The following ARHGAP32 variants were observed in gnomAD, a reference collection of about 807,000 sequenced individuals.
ARHGAP32 encodes the protein rho GTPase-activating protein 32.
A neutral mutation model predicts 186.5 loss-of-function variants in ARHGAP32; 51 were observed. The observed-to-expected ratio is 0.27, with a 90% CI of 0.22 to 0.35. The LOEUF (loss-of-function observed/expected upper bound fraction) is 0.35. Ranked by LOEUF, ARHGAP32 falls within the 10% of genes least tolerant of loss-of-function variation. The pLI is 1.00. For synonymous variants in ARHGAP32, 950 were observed against 964.3 expected, an observed-to-expected ratio of 0.99 and a Z score of 0.27; for missense variants, 2,186 against 2,623.5, an observed-to-expected ratio of 0.83 and a Z score of 3.64.
intron 1 of ARHGAP32, among the ~76,000 whole-genome samples, chr11:129,276,630 C>G (rs1265635686): frequency 6.6e-6 from 1 of 152,184 alleles, no homozygotes; most frequent in Non-Finnish European, 1.5e-5. Flanking sequence ...TTTTAAATTT[C>G]TGTTACAACA....
chr11:129,216,717 A>T (rs1944652546), intron 1 of ARHGAP32, among the ~76,000 whole-genome samples: 1 of 150,452 alleles, frequency 6.6e-6, no homozygotes, highest in Non-Finnish European at 1.5e-5. Context: ...ATTTTAGCTG[A>T]GTCCCCATAG....
rs1048344376 is a variant in ARHGAP32, at chr11:129,123,865, C to G, written c.359+23G>C. The G allele has an allele frequency of 5.4e-6, 7 of 1,304,284 alleles. No homozygotes were observed. The African/African-American group carries it at 1.1e-4, about 20-fold the overall frequency. 80.8% of individuals were successfully genotyped at this position (1,304,284 alleles called of 1,614,324 possible). A position where few individuals can be genotyped will look rare whatever the true frequency, so the allele number is the denominator to read the frequency against. ...CTTCTAACCAGAAGCATTCCCAACA[C>G]AAAGTAGAAAACCAGATTTTACCTG... is the stretch of plus-strand genomic sequence containing the variant. On this transcript the variant is annotated intron_variant, in intron 4 of 22. Coordinates refer to ENST00000682385, the MANE Select transcript of ARHGAP32 (RefSeq NM_001378024.1). This position sits in a 1 kb window ranked among gnomAD's most constrained non-coding sequence, Gnocchi z 4.6.
chr11:128,969,591 G>A lies in ARHGAP32; in HGVS notation c.5622C>T (p.Ser1874=), dbSNP rs753695666. The A allele has an allele frequency of 1.5e-5, 25 of 1,614,132 alleles. 1 individual carries two copies. The South Asian group carries it at 2.5e-4, about 16-fold the overall frequency. Reference sequence around the variant, plus strand: ...CAGGAAGCTTCCTGCTCCTCAGGCTGCTCTGCTTCTGAGGCAGGGATGGCT... The same window carrying A: ...CAGGAAGCTTCCTGCTCCTCAGGCTACTCTGCTTCTGAGGCAGGGATGGCT... The part of the protein sequence containing the change: ...PEKPSLPQKQ[S]SLRSRKLPDM... Residue 1874 remains serine (S), a synonymous_variant, in exon 23 of 23, where the codon AGC becomes AGT. Transcript: ENST00000682385. This position sits in a 1 kb window ranked among gnomAD's most constrained non-coding sequence, Gnocchi z 4.8.
At chr11:129,007,002 G>A (rs1937809952) in intron 11 of ARHGAP32, among the ~76,000 whole-genome samples, 1 of 152,014 alleles carries the variant, frequency 6.6e-6, no homozygotes, top group Admixed American at 6.5e-5. Context: ...CCATCCCATG[G>A]CCACCACCAC....
chr11:129,070,505 G>A (rs1336873592), intron 6 of ARHGAP32, among the ~76,000 whole-genome samples: 1 of 151,942 alleles, frequency 6.6e-6, no homozygotes, highest in Non-Finnish European at 1.5e-5. Context: ...CAAACTGACA[G>A]ATTTGGGAGT....
chr11:128,973,906 C>T (rs984737782), intron 21 of ARHGAP32: 1 of 576,888 alleles, frequency 1.7e-6, no homozygotes, highest in Non-Finnish European at 3.0e-6. Context: ...GATAAGGGGA[C>T]TTTTGTGAAG....
chr11:129,056,772 G>A (rs545774591), intron 10 of ARHGAP32, among the ~76,000 whole-genome samples: 3 of 152,072 alleles, frequency 2.0e-5, no homozygotes, highest in East Asian at 1.9e-4. Flanking sequence ...CAGACATATC[G>A]GGCCTGGGTG....
rs1385037082 is a variant in ARHGAP32, at chr11:128,985,351, A to G, written c.1526+652T>C. On this transcript the variant is annotated intron_variant, in intron 15 of 22. Coordinates refer to ENST00000682385, the MANE Select transcript of ARHGAP32 (RefSeq NM_001378024.1). ...TGATTTTTGAAATATATACATAAGC[A>G]ATGTCATTTTGAAAAAAAAAATTAA... 4.0e-5 allele frequency among the ~76,000 whole-genome samples: 6 copies of G among 150,656 alleles called. No homozygotes were observed. The South Asian group carries it at 8.4e-4, about 21-fold the overall frequency.
At chr11:129,178,996 G>A (rs1943985851) in intron 1 of ARHGAP32, among the ~76,000 whole-genome samples, 1 of 151,752 alleles carries the variant, frequency 6.6e-6, no homozygotes, top group African/African-American at 2.4e-5. Flanking sequence ...TACCATCAGA[G>A]TGAACAGGCA....
At chr11:129,011,482 G>T (rs986311771) in intron 11 of ARHGAP32, among the ~76,000 whole-genome samples, 4 of 152,222 alleles carry the variant, frequency 2.6e-5, no homozygotes, top group Non-Finnish European at 5.9e-5. Flanking sequence ...TTAAGGAACA[G>T]TTTCTCTGAG....
At chr11:129,059,573 C>A (rs1239600116) in intron 10 of ARHGAP32, among the ~76,000 whole-genome samples, 4 of 145,430 alleles carry the variant, frequency 2.8e-5, no homozygotes, top group Non-Finnish European at 5.9e-5. Context: ...GATCTCAGCT[C>A]ACTGTAACCT....
chr11:128,982,474 CGTGTGTGTGTGT>C (rs60379183), intron 15 of ARHGAP32, among the ~76,000 whole-genome samples: 1 of 147,362 alleles, frequency 6.8e-6, no homozygotes, highest in African/African-American at 2.5e-5. Flanking sequence ...AGGTAAGTGC[CGTGTGTGTGTGT>C]GTGTGTGTGT....
intron 1 of ARHGAP32, among the ~76,000 whole-genome samples, chr11:129,261,087 T>A (rs1945315073): frequency 1.3e-5 from 2 of 151,404 alleles, no homozygotes; most frequent in African/African-American, 2.4e-5. Flanking sequence ...AAAAAATGGG[T>A]CCAATCTCCT....
intron 2 of ARHGAP32, among the ~76,000 whole-genome samples, chr11:129,143,406 C>T (rs574941111): frequency 6.6e-6 from 1 of 152,154 alleles, no homozygotes; most frequent in South Asian, 2.1e-4. Context: ...AAGTTTTAAA[C>T]TGCATGCAGT....
At chr11:129,217,808 G>A (rs1390212995) in intron 1 of ARHGAP32, among the ~76,000 whole-genome samples, 1 of 152,136 alleles carries the variant, frequency 6.6e-6, no homozygotes, top group African/African-American at 2.4e-5. Flanking sequence ...ACTGAAGTCA[G>A]CTTTGCAAAA....
chr11:128,967,566 A>C lies in ARHGAP32; in HGVS notation c.*1341T>G, dbSNP rs1440284610. On this transcript the variant is annotated 3_prime_UTR_variant, in exon 23 of 23. Transcript: ENST00000682385. The stretch of plus-strand genomic sequence containing the variant: ...GGGCTAGAGAGTTCCTACTCTAATA[A>C]GGAATGCAACTTTCAAAACTCGTGG... 1 of 152,242 alleles carries C rather than the reference A, an allele frequency of 6.6e-6. No homozygotes were observed. The highest frequency in any genetic ancestry group is 2.4e-5 in the African/African-American group (1 of 41,462). 9.4% of individuals were successfully genotyped at this position (152,242 alleles called of 1,614,324 possible).
At chr11:129,243,068 G>A (rs1025857083) in intron 1 of ARHGAP32, among the ~76,000 whole-genome samples, 1 of 151,992 alleles carries the variant, frequency 6.6e-6, no homozygotes, top group Admixed American at 6.6e-5. Flanking sequence ...CTTCCACATT[G>A]CCAATTACCC....
intron 1 of ARHGAP32, among the ~76,000 whole-genome samples, chr11:129,211,049 C>T (rs1944573275): frequency 6.6e-6 from 1 of 152,080 alleles, no homozygotes; most frequent in South Asian, 2.1e-4. Flanking sequence ...TGTACTTTGT[C>T]CTAATCTTCG....
chr11:129,090,560 C>A (rs1276953409), intron 6 of ARHGAP32, among the ~76,000 whole-genome samples: 1 of 151,892 alleles, frequency 6.6e-6, no homozygotes, highest in East Asian at 1.9e-4. Flanking sequence ...TTTTACTAAG[C>A]AACAATTATT....
Sources: gnomAD v4.1 joint callset for allele counts (sites outside exome capture counted in the v4.1 genomes callset) on GRCh38, gnomAD v4.1.1 for gene constraint, Gnocchi (gnomAD v3.1) non-coding constraint, MANE v1.5 for transcripts, NCBI Gene and HGNC (gene_info 2026-07-23, HGNC 2026-07-21) for gene names.